Variants in ZER1 observed in about 807,000 individuals in gnomAD.
The protein encoded by ZER1 is protein zer-1 homolog.
In ZER1, 11 loss-of-function variants were observed where a neutral mutation model predicts 78.8. The observed-to-expected ratio is 0.14, with a 90% CI of 0.09 to 0.23. The LOEUF is 0.23. ZER1 is among the 10% of genes least tolerant of loss of function. ZER1 has a pLI of 1.00. For missense variants in ZER1, 588 were observed against 996.9 expected (o/e 0.59, Z 5.52); for synonymous variants, 400 against 407.0 (o/e 0.98, Z 0.21).
rs1231967616 is a variant in ZER1, at chr9:128,742,763, A to G, written c.1360-18T>C. On this transcript the variant is annotated intron_variant, in intron 8 of 15. Transcript: ENST00000291900. ...CGCTGCACCTGGGCCGGGACAGGAC[A>G]CAAGTGGGGCACATTCAGGGTCAGA... 1.2e-5 allele frequency: 19 copies of G among 1,586,514 alleles called. No individual in the cohort carries two copies. Among genetic ancestry groups the G allele is most frequent in the Non-Finnish European group, 1.5e-5 (18 of 1,167,714 alleles).
rs1471095588 is a variant in ZER1, at chr9:128,729,867, A to T, written c.*1470T>A. 2 of 152,292 alleles carry T rather than the reference A, an allele frequency of 1.3e-5. No homozygotes were observed. Among genetic ancestry groups the T allele is most frequent in the African/African-American group, 4.8e-5 (2 of 41,300 alleles). The allele number at this position is 152,292 out of a possible 1,614,324, so 9.4% of individuals were successfully genotyped here. ...CCAGGCCCCAGGGGGTAAAGCAATGAGGTGTGAAGTCTGCCAGGGTCTGGC... is the reference window on the plus strand; with the variant it reads ...CCAGGCCCCAGGGGGTAAAGCAATGTGGTGTGAAGTCTGCCAGGGTCTGGC... On this transcript the variant is annotated 3_prime_UTR_variant, in exon 16 of 16. Coordinates refer to ENST00000291900, the MANE Select transcript of ZER1 (RefSeq NM_006336.4).
intron 1 of ZER1, among the ~76,000 whole-genome samples, chr9:128,765,331 G>A (rs1345228308): frequency 6.6e-6 from 1 of 152,182 alleles, no homozygotes; most frequent in African/African-American, 2.4e-5. Context: ...TAGAACAAAG[G>A]TTTGCTGTGG....
chr9:128,753,106 A>G lies in ZER1; in HGVS notation c.746+58T>C. The stretch of plus-strand genomic sequence containing the variant: ...TGAGGGCGTGACAACACCCACCTCT[A>G]CTCCTCCCCACCTGCCCCCCAAACC... On this transcript the variant is annotated intron_variant, in intron 4 of 15. Transcript: ENST00000291900. The surrounding 1 kb of genome is among the most constrained non-coding windows in gnomAD (Gnocchi z 7.5). The G allele has an allele frequency of 1.4e-6, 2 of 1,457,204 alleles. No individual in the cohort carries two copies. The highest frequency in any genetic ancestry group is 1.8e-6 in the Non-Finnish European group (2 of 1,099,006). 90.3% of individuals were successfully genotyped at this position (1,457,204 alleles called of 1,614,324 possible).
intron 14 of ZER1, 95 bp downstream of exon 14, chr9:128,735,239 G>C (rs1298074596): frequency 8.8e-7 from 1 of 1,142,526 alleles, no homozygotes; most frequent in African/African-American, 1.6e-5. Flanking sequence ...GCTGACAGCA[G>C]CAATTAATGC....
chr9:128,750,303 T>C (rs756325967), intron 8 of ZER1, among the ~76,000 whole-genome samples: 1 of 152,218 alleles, frequency 6.6e-6, no homozygotes, highest in Non-Finnish European at 1.5e-5. Flanking sequence ...ATTACTTTTA[T>C]ATTAAAAGCA....
rs962955558 is a variant in ZER1 at position 128,733,486 on chromosome 9, G to A, written c.2183C>T (p.Pro728Leu). 2.0e-5 allele frequency: 33 copies of A among 1,613,652 alleles called. No individual in the cohort carries two copies. The highest frequency in any genetic ancestry group is 2.8e-5 in the Non-Finnish European group (33 of 1,179,938). The change falls in exon 15 of 16, where the codon CCC (proline) becomes CTC (leucine). Residue 728 changes from proline to leucine, a missense_variant. Pro to Leu is a moderately conservative substitution (Grantham distance 98, BLOSUM62 -3). This residue lies in a region of ZER1 where 122 missense variants were observed against 173.5 expected (regional missense o/e 0.70). Transcript: ENST00000291900. ...CATCTTAATTATGTCCCTCAGAAGG[G>A]GCATCCCCCCTTCTTTGATCAGCAG... Reference protein sequence around the residue: ...CPLLIKEGGMPLLRDIIKMAT... With the variant: ...CPLLIKEGGMLLLRDIIKMAT...
intron 1 of ZER1, among the ~76,000 whole-genome samples, chr9:128,767,730 C>A (rs185161941): frequency 3.9e-5 from 6 of 152,242 alleles, no homozygotes; most frequent in Admixed American, 3.3e-4. Flanking sequence ...CCTTCTGTTC[C>A]ACGAGCCTCC....
chr9:128,766,566 C>G (rs1045688901), intron 1 of ZER1, among the ~76,000 whole-genome samples: 21 of 152,024 alleles, frequency 1.4e-4, no homozygotes, highest in Non-Finnish European at 1.8e-4. Flanking sequence ...GTGTGTCAGG[C>G]TGGGCACAGT....
Position 128,751,132 on chromosome 9 carries a change from C to T in ZER1, c.1175G>A (p.Arg392Gln). 2.5e-6 allele frequency: 4 copies of T among 1,593,740 alleles called. No homozygotes were observed. Among genetic ancestry groups the T allele is most frequent in the Non-Finnish European group, 2.6e-6 (3 of 1,166,574 alleles). The change falls in exon 7 of 16, where the codon CGG becomes CAG. Residue 392 changes from arginine (R) to glutamine (Q), a missense_variant. Transcript: ENST00000291900. This position sits in a 1 kb window ranked among gnomAD's most constrained non-coding sequence, Gnocchi z 5.4. ...AGGCTTGGAGCTGACCTTCAGGGCC[C>T]GCAGCAGCTGGTTGCAACGCTCGAT... The part of the protein sequence containing the change: ...ARIERCNQLL[R>Q]ALKLVITALK...
rs1006131804 is a variant in ZER1 at position 128,755,800 on chromosome 9, CCTT to C, written c.-94-144_-94-142del. ...AGGGCCAGGCCCAGGTCTCCTGACT[CCTT>C]CTTTCACCCGCCTCTGCTGTGCCAC... is the stretch of plus-strand genomic sequence containing the variant. On this transcript the variant is annotated intron_variant, in intron 1 of 15. Transcript: ENST00000291900. The surrounding 1 kb of genome is among the most constrained non-coding windows in gnomAD (Gnocchi z 5.6). The C allele has an allele frequency of 1.8e-5, 10 of 563,300 alleles. No individual in the cohort carries two copies. The highest frequency in any genetic ancestry group is 2.8e-5 in the Non-Finnish European group (9 of 319,582). The allele number at this position is 563,300 out of a possible 1,614,324, so 34.9% of individuals were successfully genotyped here.
chr9:128,769,153 A>G (rs1864307266), intron 1 of ZER1, among the ~76,000 whole-genome samples: 1 of 152,174 alleles, frequency 6.6e-6, no homozygotes, highest in Non-Finnish European at 1.5e-5. Context: ...AGGGGTGTCA[A>G]GAAGTTTCTG....
At chr9:128,766,353 A>G (rs1348889147) in intron 1 of ZER1, among the ~76,000 whole-genome samples, 11 of 151,846 alleles carry the variant, frequency 7.2e-5, no homozygotes, top group Non-Finnish European at 1.5e-4. Context: ...ATCTCAAAAA[A>G]AAAAAAAAAA....
Position 128,753,087 on chromosome 9 carries a change from C to G in ZER1, c.746+77G>C. ...GCCAAGCGCTCCTGAACCCTGAGGG[C>G]GTGACAACACCCACCTCTACTCCTC... On this transcript the variant is annotated intron_variant, in intron 4 of 15. Coordinates refer to ENST00000291900, the MANE Select transcript of ZER1 (RefSeq NM_006336.4). This position sits in a 1 kb window ranked among gnomAD's most constrained non-coding sequence, Gnocchi z 7.5. The G allele has an allele frequency of 7.2e-7, 1 of 1,394,632 alleles. No individual in the cohort carries two copies. Among genetic ancestry groups the G allele is most frequent in the South Asian group, 1.4e-5 (1 of 70,000 alleles). The allele number at this position is 1,394,632 out of a possible 1,614,324, so 86.4% of individuals were successfully genotyped here.
intron 1 of ZER1, among the ~76,000 whole-genome samples, chr9:128,768,587 G>C (rs1864287256): frequency 6.6e-6 from 1 of 152,152 alleles, no homozygotes; most frequent in African/African-American, 2.4e-5. Flanking sequence ...ACCCACAACA[G>C]CCTACCCCAA....
At chr9:128,770,628 C>T (rs910048461) in intron 1 of ZER1, among the ~76,000 whole-genome samples, 4 of 152,142 alleles carry the variant, frequency 2.6e-5, no homozygotes, top group African/African-American at 9.7e-5. Context: ...TTTCTCCAAA[C>T]CACTTATTAC....
At chr9:128,738,388 T>A (rs144127518) in intron 13 of ZER1, among the ~76,000 whole-genome samples, 5,041 of 146,696 alleles carry the variant, frequency 0.034, 71 homozygotes, top group Middle Eastern at 0.082. Context: ...ATTTTTATTT[T>A]TATTTATTTA....
intron 14 of ZER1, 51 bp from the exon 15 acceptor site, chr9:128,733,579 C>G (rs1161395565): frequency 1.9e-6 from 3 of 1,544,886 alleles, no homozygotes; most frequent in African/African-American, 1.4e-5. Context: ...TTCTTATCAG[C>G]CCGAGGCCCA....
In ZER1 at chr9:128,751,117, C is replaced by T. The variant is rs1484684452; in HGVS notation, c.1185+5G>A. The T allele has an allele frequency of 1.9e-6, 3 of 1,584,036 alleles. No individual in the cohort carries two copies. Among genetic ancestry groups the T allele is most frequent in the African/African-American group, 2.7e-5 (2 of 74,388 alleles). On this transcript the variant is annotated splice_donor_5th_base_variant and intron_variant, in intron 7 of 15. Transcript: ENST00000291900. This position sits in a 1 kb window ranked among gnomAD's most constrained non-coding sequence, Gnocchi z 5.4. ...GGAGGCCAAGGCCCCAGGCTTGGAG[C>T]TGACCTTCAGGGCCCGCAGCAGCTG...
Position 128,741,572 on chromosome 9 carries a change from T to C in ZER1, c.1700A>G (p.Asn567Ser), listed in dbSNP as rs766375666. 5 of 1,614,038 alleles carry C rather than the reference T, an allele frequency of 3.1e-6. No individual in the cohort carries two copies. The highest frequency in any genetic ancestry group is 2.2e-5 in the East Asian group (1 of 44,884). ...ETPDNCEMFL[N>S]FNGMKLFLDC... is the part of the protein sequence containing the mutation. The stretch of plus-strand genomic sequence containing the variant: ...CAGGAAGAGCTTCATGCCGTTGAAA[T>C]TGAGGAACATCTCGCAGTTGTCAGG... The change falls in exon 11 of 16, where the codon AAT becomes AGT. Residue 567 changes from asparagine (N) to serine (S), a missense_variant. By Grantham distance (46) the Asn-to-Ser change is conservative (BLOSUM62 1). This residue lies in a region of ZER1 where 60 missense variants were observed against 163.3 expected (regional missense o/e 0.37). Transcript: ENST00000291900.
Sources: allele counts gnomAD v4.1 joint callset (sites outside exome capture counted in the v4.1 genomes callset), GRCh38; gene constraint gnomAD v4.1.1; regional missense constraint gnomAD v4.1.1; non-coding constraint Gnocchi (gnomAD v3.1); transcripts MANE v1.5; gene names NCBI Gene and HGNC (gene_info 2026-07-23, HGNC 2026-07-21).